Variants in FMNL2 observed in about 807,000 individuals in gnomAD.
The protein encoded by FMNL2 is formin-like protein 2.
A neutral mutation model predicts 130.2 loss-of-function variants in FMNL2; 51 were observed. That is an observed-to-expected ratio of 0.39 (90% CI 0.31 to 0.49). FMNL2 has a LOEUF of 0.49. FMNL2 is among the 20% of genes least tolerant of loss of function. The pLI is 0.85. For synonymous variants in FMNL2, 465 were observed against 467.1 expected (o/e 1.00, Z 0.06); for missense variants, 977 against 1,316.2 (o/e 0.74, Z 3.99).
intron 7 of FMNL2, among the ~76,000 whole-genome samples, chr2:152,576,334 T>TA (rs1386979802): frequency 1.3e-5 from 2 of 152,180 alleles, no homozygotes; most frequent in African/African-American, 4.8e-5. Context: ...CCAGGGAACT[T>TA]ACTTTCCAGG....
At chr2:152,425,954 G>A (rs546139816) in intron 1 of FMNL2, among the ~76,000 whole-genome samples, 1 of 152,312 alleles carries the variant, frequency 6.6e-6, no homozygotes, top group South Asian at 2.1e-4. Context: ...AATTTTCTGT[G>A]GAGGATTCTC....
intron 1 of FMNL2, among the ~76,000 whole-genome samples, chr2:152,341,801 A>G (rs1028579436): frequency 1.3e-5 from 2 of 152,266 alleles, no homozygotes; most frequent in Non-Finnish European, 2.9e-5. Context: ...CCCCAGGGTC[A>G]GTGACTGAAA....
At chr2:152,412,245 T>G (rs1347055090) in intron 1 of FMNL2, among the ~76,000 whole-genome samples, 1 of 151,668 alleles carries the variant, frequency 6.6e-6, no homozygotes. Flanking sequence ...TGCCCTTGTG[T>G]ATTGTTTTTA....
At chr2:152,376,263 G>A (rs1684166196) in intron 1 of FMNL2, among the ~76,000 whole-genome samples, 1 of 152,164 alleles carries the variant, frequency 6.6e-6, no homozygotes, top group Non-Finnish European at 1.5e-5. Flanking sequence ...TCAGTTGGTG[G>A]ACGTTTAAAT....
At chr2:152,338,961 C>T (rs1267527228) in intron 1 of FMNL2, among the ~76,000 whole-genome samples, 1 of 152,166 alleles carries the variant, frequency 6.6e-6, no homozygotes, top group African/African-American at 2.4e-5. Context: ...CAGCCACGTA[C>T]TTCAATCTTT....
At chr2:152,640,176 G>C (rs1444551655) in intron 24 of FMNL2, 120 bp downstream of exon 24, 1 of 755,610 alleles carries the variant, frequency 1.3e-6, no homozygotes, top group Non-Finnish European at 2.1e-6. Context: ...ACTTCCTTCT[G>C]GTGCCTGGAC....
intron 9 of FMNL2, among the ~76,000 whole-genome samples, chr2:152,593,290 G>A (rs919987915): frequency 3.3e-5 from 5 of 151,802 alleles, no homozygotes; most frequent in Admixed American, 6.6e-5. Flanking sequence ...GATACAAATA[G>A]AAGGGAAAAA....
intron 1 of FMNL2, among the ~76,000 whole-genome samples, chr2:152,467,523 G>A (rs961218441): frequency 6.6e-6 from 1 of 152,174 alleles, no homozygotes; most frequent in Non-Finnish European, 1.5e-5. Flanking sequence ...TGTGAATGCT[G>A]CTGACTTTAC....
chr2:152,478,901 C>A (rs1690319077), intron 1 of FMNL2, among the ~76,000 whole-genome samples: 1 of 152,016 alleles, frequency 6.6e-6, no homozygotes, highest in Non-Finnish European at 1.5e-5. Flanking sequence ...TATATTAAAA[C>A]TACAGTATAT....
At chr2:152,496,132 T>C (rs1691508897) in intron 1 of FMNL2, among the ~76,000 whole-genome samples, 1 of 152,198 alleles carries the variant, frequency 6.6e-6, no homozygotes, top group Admixed American at 6.5e-5. Context: ...CACAATACTA[T>C]TAATCATTGT....
At chr2:152,639,532 G>T (rs1041629557) in intron 23 of FMNL2, among the ~76,000 whole-genome samples, 3 of 152,180 alleles carry the variant, frequency 2.0e-5, no homozygotes, top group Non-Finnish European at 4.4e-5. Flanking sequence ...GTGAGGCCCC[G>T]AAAAGAAATG....
At chr2:152,391,448 A>G (rs1440970352) in intron 1 of FMNL2, among the ~76,000 whole-genome samples, 1 of 152,136 alleles carries the variant, frequency 6.6e-6, no homozygotes, top group African/African-American at 2.4e-5. Context: ...AGCTGGGAGG[A>G]GTGGAGTTCA....
In FMNL2 at chr2:152,649,415, T is replaced by G. The variant is rs958633610; in HGVS notation, c.*1510T>G. Reference sequence around the variant, plus strand: ...TATATATTTAACTATAAGGACAGTTTAGGGAACAAGTTACCTACCACATTT... The same window carrying G: ...TATATATTTAACTATAAGGACAGTTGAGGGAACAAGTTACCTACCACATTT... On this transcript the variant is annotated 3_prime_UTR_variant, in exon 26 of 26. Transcript: ENST00000288670. 21 of 152,582 alleles carry G rather than the reference T, an allele frequency of 1.4e-4. No homozygotes were observed. The highest frequency in any genetic ancestry group is 4.8e-5 in the African/African-American group (2 of 41,440). 9.5% of individuals were successfully genotyped at this position (152,582 alleles called of 1,614,324 possible). A position where few individuals can be genotyped will look rare whatever the true frequency, so the allele number is the denominator to read the frequency against.
At chr2:152,558,861 G>A in intron 5 of FMNL2, 38 bp downstream of exon 5, 1 of 1,577,282 alleles carries the variant, frequency 6.3e-7, no homozygotes, top group Non-Finnish European at 8.7e-7. Context: ...TGAATTTTAT[G>A]TGGTCACAGC....
chr2:152,500,833 C>G (rs547106087), intron 1 of FMNL2, among the ~76,000 whole-genome samples: 53 of 152,212 alleles, frequency 3.5e-4, no homozygotes, highest in African/African-American at 1.2e-3. Context: ...CTGGGTAAAA[C>G]AAACAAAAAA....
At chr2:152,498,429 T>A (rs1373040990) in intron 1 of FMNL2, among the ~76,000 whole-genome samples, 1 of 152,178 alleles carries the variant, frequency 6.6e-6, no homozygotes, top group African/African-American at 2.4e-5. Context: ...ACCATTTTTT[T>A]TAAAAAAATG....
chr2:152,465,604 T>C (rs1395512863), intron 1 of FMNL2, among the ~76,000 whole-genome samples: 1 of 152,196 alleles, frequency 6.6e-6, no homozygotes, highest in African/African-American at 2.4e-5. Context: ...CCCCAGTAAT[T>C]ATTCCAGATT....
rs989494560 is a variant in FMNL2, at chr2:152,506,851, A to G, written c.118-15092A>G. Among the ~76,000 whole-genome samples the G allele has an allele frequency of 2.2e-4, 29 of 131,302 alleles. 1 individual carries two copies. The highest frequency in any genetic ancestry group is 7.7e-4 in the African/African-American group (29 of 37,898). The allele number at this position is 131,302 out of a possible 152,430, so 86.1% of individuals were successfully genotyped here. On this transcript the variant is annotated intron_variant, in intron 1 of 25. Coordinates refer to ENST00000288670, the MANE Select transcript of FMNL2 (RefSeq NM_052905.4). Reference sequence around the variant, plus strand: ...CATATAAATTGTGAGGAAAAAACTCATTTTATTCTTCTAAAAGCATAATTA... The same window carrying G: ...CATATAAATTGTGAGGAAAAAACTCGTTTTATTCTTCTAAAAGCATAATTA...
intron 4 of FMNL2, among the ~76,000 whole-genome samples, chr2:152,552,955 C>T (rs142076447): frequency 6.6e-6 from 1 of 152,296 alleles, no homozygotes; most frequent in Non-Finnish European, 1.5e-5. Context: ...TACTTTTCAT[C>T]CTCAGTGCAA....
Sources: gnomAD v4.1 joint callset for allele counts (sites outside exome capture counted in the v4.1 genomes callset) on GRCh38, gnomAD v4.1.1 for gene constraint, MANE v1.5 for transcripts, NCBI Gene and HGNC (gene_info 2026-07-23, HGNC 2026-07-21) for gene names.